INTS6L: variants seen among roughly 807,000 people sequenced by gnomAD.
The protein encoded by INTS6L is integrator complex subunit 6 like.
Under a neutral mutation model 64.7 loss-of-function variants are expected in INTS6L, and 18 were observed. That is an observed-to-expected ratio of 0.28 (90% CI 0.19 to 0.41). INTS6L has a LOEUF of 0.41. Among genes scored for constraint, INTS6L ranks in the 10% least tolerant of loss-of-function variants. The probability of loss-of-function intolerance (pLI) is 1.00; values close to 1 mark genes in which losing one functional copy is unlikely to be tolerated. For synonymous variants in INTS6L, 227 were observed against 235.9 expected, an observed-to-expected ratio of 0.96 and a Z score of 0.34; for missense variants, 533 against 661.0, an observed-to-expected ratio of 0.81 and a Z score of 2.12.
chrX:135,565,614 C>A (rs1311209647), intron 9 of INTS6L, among the ~76,000 whole-genome samples: 2 of 111,789 alleles, frequency 1.8e-5, no homozygotes, highest in Non-Finnish European at 3.8e-5. Context: ...CACTAAGACT[C>A]CAACCCTGCC....
chrX:135,580,042 C>G lies in INTS6L; in HGVS notation c.2374C>G (p.Pro792Ala), dbSNP rs1556533588. ...CSLSVDDQKDPVASTLGAMPN... is the reference protein window; with the variant it reads ...CSLSVDDQKDAVASTLGAMPN... ...TCTCTCCGTAGATGACCAAAAAGAC[C>G]CAGTAGCATCTACTTTGGGAGCTAT... is the stretch of plus-strand genomic sequence containing the variant. The change falls in exon 16 of 18, where the codon CCA becomes GCA. Residue 792 changes from proline (P) to alanine (A), a missense_variant. Physicochemically the swap from Pro to Ala is conservative, Grantham distance 27. Coordinates refer to ENST00000639893, the MANE Select transcript of INTS6L (RefSeq NM_001351601.3). 8.3e-7 allele frequency: 1 copy of G among 1,210,401 alleles called. No individual in the cohort carries two copies. The highest frequency in any genetic ancestry group is 1.1e-6 in the Non-Finnish European group (1 of 895,286).
chrX:135,521,389 C>T (rs1436744544), intron 2 of INTS6L, 71 bp downstream of exon 2: 190 of 1,077,060 alleles, frequency 1.8e-4, no homozygotes, highest in Non-Finnish European at 2.4e-4. Context: ...TACCCCCCTG[C>T]CCCCGCCTAA....
At chrX:135,527,621 G>T (rs2085776201) in intron 2 of INTS6L, among the ~76,000 whole-genome samples, 1 of 112,277 alleles carries the variant, frequency 8.9e-6, no homozygotes, top group African/African-American at 3.2e-5. Context: ...TTGTAAGCTA[G>T]ATTTTGTACA....
At chrX:135,525,970 A>G (rs1289332056) in intron 2 of INTS6L, among the ~76,000 whole-genome samples, 1 of 112,138 alleles carries the variant, frequency 8.9e-6, no homozygotes, top group Non-Finnish European at 1.9e-5. Context: ...ATTTTGAAAT[A>G]AGAAAAGGAG....
intron 2 of INTS6L, among the ~76,000 whole-genome samples, chrX:135,540,376 A>C (rs903328917): frequency 9.8e-5 from 11 of 112,109 alleles, no homozygotes; most frequent in Non-Finnish European, 1.9e-4. Flanking sequence ...TGCTATGCTT[A>C]GTATAAGTGA....
At chrX:135,529,073 G>C (rs1042293779) in intron 2 of INTS6L, among the ~76,000 whole-genome samples, 2 of 111,706 alleles carry the variant, frequency 1.8e-5, no homozygotes, top group African/African-American at 3.3e-5. Context: ...CTTTTCCTGG[G>C]CTAAGTATAA....
chrX:135,531,205 T>G (rs2085898484), intron 2 of INTS6L, among the ~76,000 whole-genome samples: 1 of 112,743 alleles, frequency 8.9e-6, no homozygotes, highest in African/African-American at 3.2e-5. Flanking sequence ...AACTAACTAC[T>G]TCTTCCTTCC....
intron 8 of INTS6L, among the ~76,000 whole-genome samples, chrX:135,553,570 C>A: frequency 9.3e-6 from 1 of 107,131 alleles, no homozygotes; most frequent in Admixed American, 1.0e-4. Context: ...GCAATCCTCC[C>A]ACCTCGGCTT....
chrX:135,581,139 G>T lies in INTS6L; in HGVS notation c.2584G>T (p.Ala862Ser), dbSNP rs143980255. The change falls in exon 17 of 18, where the codon GCA (alanine) becomes TCA (serine). Residue 862 changes from alanine to serine, a missense_variant. Coordinates refer to ENST00000639893, the MANE Select transcript of INTS6L (RefSeq NM_001351601.3). ...QFVEFTIKEA[A>S]RFKRRVLIQY... Reference sequence around the variant, plus strand: ...TGTTGAATTTACCATCAAGGAAGCCGCAAGGTAGGTATAAACAGGAACTCT... The same window carrying T: ...TGTTGAATTTACCATCAAGGAAGCCTCAAGGTAGGTATAAACAGGAACTCT... 8.4e-7 allele frequency: 1 copy of T among 1,185,422 alleles called. No homozygotes were observed. Among genetic ancestry groups the T allele is most frequent in the African/African-American group, 1.8e-5 (1 of 56,882 alleles).
At chrX:135,575,785 AGTGTGT>A (rs10636685) in intron 14 of INTS6L, among the ~76,000 whole-genome samples, 73 of 99,850 alleles carry the variant, frequency 7.3e-4, no homozygotes, top group African/African-American at 2.3e-3. Context: ...AAATGTGGGG[AGTGTGT>A]GTGTGTGTGT....
intron 9 of INTS6L, among the ~76,000 whole-genome samples, chrX:135,559,016 C>G: frequency 9.0e-6 from 1 of 110,925 alleles, no homozygotes; most frequent in East Asian, 2.8e-4. Context: ...CTCCTGACCT[C>G]AAGTGATTGG....
At chrX:135,570,683 C>A in intron 11 of INTS6L, 137 bp downstream of exon 11, 1 of 719,245 alleles carries the variant, frequency 1.4e-6, no homozygotes, top group Non-Finnish European at 1.9e-6. Context: ...TAATGTGATT[C>A]TCTATGGCTT....
In INTS6L at chrX:135,581,914, A is replaced by T. The variant is rs1487654853; in HGVS notation, c.*278A>T. ...AAATTCGGTAAACACCACTGCCCCT[A>T]CCACGGGTAATGAGAGGTCACTCAC... is the stretch of plus-strand genomic sequence containing the variant. On this transcript the variant is annotated 3_prime_UTR_variant, in exon 18 of 18. Transcript: ENST00000639893. 4.2e-6 allele frequency: 1 copy of T among 237,253 alleles called. No individual in the cohort carries two copies. The highest frequency in any genetic ancestry group is 7.4e-6 in the Non-Finnish European group (1 of 134,711). The allele number at this position is 237,253 out of a possible 1,213,427, so 19.6% of individuals were successfully genotyped here. A position where few individuals can be genotyped will look rare whatever the true frequency, so the allele number is the denominator to read the frequency against.
chrX:135,557,575 C>CT (rs1556519959), intron 9 of INTS6L, among the ~76,000 whole-genome samples: 1 of 111,727 alleles, frequency 9.0e-6, no homozygotes, highest in Admixed American at 9.5e-5. Context: ...TCTTACTGAC[C>CT]TTTTAAGTAC....
At chrX:135,531,804 C>T (rs2085919562) in intron 2 of INTS6L, among the ~76,000 whole-genome samples, 1 of 112,007 alleles carries the variant, frequency 8.9e-6, no homozygotes, top group Non-Finnish European at 1.9e-5. Flanking sequence ...AAGCCCTGCA[C>T]TGTCTCTTCT....
intron 9 of INTS6L, among the ~76,000 whole-genome samples, chrX:135,561,046 G>A (rs2086778487): frequency 1.0e-5 from 1 of 98,914 alleles, no homozygotes; most frequent in Non-Finnish European, 2.0e-5. Context: ...TCCACCTCCT[G>A]GGTTCAAGCG....
chrX:135,565,952 C>A (rs2086937629), intron 9 of INTS6L, among the ~76,000 whole-genome samples: 1 of 112,027 alleles, frequency 8.9e-6, no homozygotes, highest in Admixed American at 9.5e-5. Context: ...GTTTTTAACA[C>A]CCTTTGAGGC....
At chrX:135,539,809 G>A (rs1238919867) in intron 2 of INTS6L, among the ~76,000 whole-genome samples, 1 of 111,586 alleles carries the variant, frequency 9.0e-6, no homozygotes, top group Non-Finnish European at 1.9e-5. Flanking sequence ...GAGAGGGAGA[G>A]AGATAGGGAA....
chrX:135,580,052 C>T lies in INTS6L; in HGVS notation c.2384C>T (p.Ser795Phe), dbSNP rs782020969. ...SVDDQKDPVA[S>F]TLGAMPNTLQ... The stretch of plus-strand genomic sequence containing the variant: ...GATGACCAAAAAGACCCAGTAGCAT[C>T]TACTTTGGGAGCTATGCCAAATACA... The change falls in exon 16 of 18, where the codon TCT becomes TTT. Residue 795 changes from serine (S) to phenylalanine (F), a missense_variant. By Grantham distance (155) the Ser-to-Phe change is radical. Transcript: ENST00000639893. 21 of 1,210,608 alleles carry T rather than the reference C, an allele frequency of 1.7e-5. No homozygotes were observed. The Admixed American group carries it at 4.1e-4, about 24-fold the overall frequency.
Sources: gnomAD v4.1 joint callset for allele counts (sites outside exome capture counted in the v4.1 genomes callset) on GRCh38, gnomAD v4.1.1 for gene constraint, MANE v1.5 for transcripts, NCBI Gene and HGNC (gene_info 2026-07-23, HGNC 2026-07-21) for gene names.